NPEPPS: variants seen among roughly 807,000 people sequenced by gnomAD.
The protein encoded by NPEPPS is aminopeptidase puromycin sensitive, also known as puromycin-sensitive aminopeptidase.
In NPEPPS, 14 loss-of-function variants were observed where a neutral mutation model predicts 115.5. The ratio of observed to expected loss-of-function variants is 0.12; its 90% CI spans 0.08 to 0.19. The LOEUF (loss-of-function observed/expected upper bound fraction) is 0.19. Among genes scored for constraint, NPEPPS ranks in the 10% least tolerant of loss-of-function variants. The pLI is 1.00. For missense variants in NPEPPS, 523 were observed against 1,110.8 expected, an observed-to-expected ratio of 0.47 and a Z score of 7.52; for synonymous variants, 285 against 390.6, an observed-to-expected ratio of 0.73 and a Z score of 3.19.
intron 2 of NPEPPS, among the ~76,000 whole-genome samples, chr17:47,562,609 T>A (rs113880564): frequency 4.5e-4 from 21 of 46,806 alleles, no homozygotes; most frequent in African/African-American, 8.4e-4. Context: ...TGATGCAGAG[T>A]GTGTGTGTGT....
chr17:47,592,772 T>C, intron 12 of NPEPPS: 1 of 429,814 alleles, frequency 2.3e-6, no homozygotes, highest in Non-Finnish European at 4.3e-6. Flanking sequence ...TTTTTTTAAT[T>C]AAAGTTCTAG....
rs534722224 is a variant in NPEPPS, at chr17:47,584,613, T to C, written c.649-887T>C. Among the ~76,000 whole-genome samples the C allele has an allele frequency of 3.2e-3, 486 of 152,340 alleles. 1 individual carries two copies. Among genetic ancestry groups the C allele is most frequent in the Non-Finnish European group, 4.4e-3 (302 of 68,034 alleles). On this transcript the variant is annotated intron_variant, in intron 5 of 22. Coordinates refer to ENST00000322157, the MANE Select transcript of NPEPPS (RefSeq NM_006310.4). ...ACTTTAGTATGAGTGAATTTATCAG[T>C]GTGTTCTTGAATAAGTCTTCCTTGG...
chr17:47,597,612 C>T (rs1912959272), intron 13 of NPEPPS, among the ~76,000 whole-genome samples: 1 of 152,104 alleles, frequency 6.6e-6, no homozygotes, highest in South Asian at 2.1e-4. Context: ...GTGATCCTTC[C>T]ACCCCTGCCT....
upstream of NPEPPS, among the ~76,000 whole-genome samples, chr17:47,528,022 C>A (rs1907509865): frequency 6.6e-6 from 1 of 151,682 alleles, no homozygotes; most frequent in South Asian, 2.1e-4. Flanking sequence ...ATTATATGGG[C>A]TGGGCACAGT....
At chr17:47,583,840 C>G (rs1230799717) in intron 5 of NPEPPS, among the ~76,000 whole-genome samples, 1 of 151,128 alleles carries the variant, frequency 6.6e-6, no homozygotes, top group Non-Finnish European at 1.5e-5. Context: ...GAGGATCTCT[C>G]GAACTTAGGA....
At chr17:47,595,455 A>C (rs547034923) in intron 12 of NPEPPS, among the ~76,000 whole-genome samples, 2 of 152,288 alleles carry the variant, frequency 1.3e-5, no homozygotes, top group African/African-American at 4.8e-5. Flanking sequence ...ACACATTTCA[A>C]TTTCTTTGTT....
rs753383358 is a variant in NPEPPS at position 47,613,257 on chromosome 17, C to CTTTT, written c.2239-391_2239-388dup. On this transcript the variant is annotated intron_variant, in intron 18 of 22. Coordinates refer to ENST00000322157, the MANE Select transcript of NPEPPS (RefSeq NM_006310.4). ...GTAATATTCACATTTATAATATTTACTTTTTTTTTTTTTTTTTTTTTTTTC... is the reference window on the plus strand; with the variant it reads ...GTAATATTCACATTTATAATATTTACTTTTTTTTTTTTTTTTTTTTTTTTTTTTC... 9.5e-4 allele frequency among the ~76,000 whole-genome samples: 93 copies of CTTTT among 98,226 alleles called. 2 individuals are homozygous for CTTTT. The highest frequency in any genetic ancestry group is 2.5e-3 in the African/African-American group (59 of 23,654). 64.4% of individuals were successfully genotyped at this position (98,226 alleles called of 152,430 possible).
At chr17:47,553,557 A>T (rs1031274579) in intron 2 of NPEPPS, among the ~76,000 whole-genome samples, 1 of 152,156 alleles carries the variant, frequency 6.6e-6, no homozygotes. Flanking sequence ...GATGTGTTCT[A>T]AGACCCCCAA....
chr17:47,574,613 G>T (rs1911393603), intron 3 of NPEPPS, among the ~76,000 whole-genome samples: 1 of 151,952 alleles, frequency 6.6e-6, no homozygotes, highest in East Asian at 1.9e-4. Flanking sequence ...TTTGTTTTGT[G>T]ACAAAGTCTC....
chr17:47,528,087 A>G (rs1417995458), upstream of NPEPPS, among the ~76,000 whole-genome samples: 1 of 151,800 alleles, frequency 6.6e-6, no homozygotes, highest in Non-Finnish European at 1.5e-5. Context: ...AGATCACCTG[A>G]GGTAAGGAGT....
intron 15 of NPEPPS, 54 bp downstream of exon 15, chr17:47,601,801 C>T (rs1019364915): frequency 1.4e-5 from 21 of 1,540,706 alleles, no homozygotes; most frequent in African/African-American, 7.0e-5. Flanking sequence ...ATTTTATGGC[C>T]GGTTTTAAAT....
At position 47,531,553 on chromosome 17, in the gene NPEPPS, C is replaced by G; in HGVS notation, c.253C>G (p.Gln85Glu). 1 of 1,601,846 alleles carries G rather than the reference C, an allele frequency of 6.2e-7. No individual in the cohort carries two copies. The highest frequency in any genetic ancestry group is 8.5e-7 in the Non-Finnish European group (1 of 1,175,846). Residue 85 changes from glutamine (Q) to glutamate (E), a missense_variant and splice_region_variant, in exon 1 of 23, where the codon CAG becomes GAG. Gln to Glu is a conservative substitution (Grantham distance 29). Transcript: ENST00000322157. ...CGAGGGCAAGCTGGAGGCCGCCGCC[C>G]AGGTACAGCGACCCTCGGGCCCCGG... Reference protein sequence around the residue: ...TFEGKLEAAAQVRQATNQIVM... With the variant: ...TFEGKLEAAAEVRQATNQIVM...
intron 2 of NPEPPS, among the ~76,000 whole-genome samples, chr17:47,552,171 C>G (rs1157369893): frequency 6.6e-6 from 1 of 151,378 alleles, no homozygotes; most frequent in Non-Finnish European, 1.5e-5. Flanking sequence ...TTGCAATGTT[C>G]CCCAGGCTGG....
intron 1 of NPEPPS, among the ~76,000 whole-genome samples, chr17:47,539,100 CTT>C (rs551077364): frequency 3.0e-5 from 4 of 135,454 alleles, no homozygotes; most frequent in South Asian, 4.7e-4. Context: ...TCATCTAGGC[CTT>C]TTTTTTTTTT....
chr17:47,601,633 C>T lies in NPEPPS; in HGVS notation c.1626C>T (p.Val542=). The T allele has an allele frequency of 6.2e-7, 1 of 1,612,814 alleles. No individual in the cohort carries two copies. The highest frequency in any genetic ancestry group is 8.5e-7 in the Non-Finnish European group (1 of 1,179,534). The change falls in exon 15 of 23, where the codon GTC becomes GTT. Residue 542 remains valine, a synonymous_variant. Coordinates refer to ENST00000322157, the MANE Select transcript of NPEPPS (RefSeq NM_006310.4). The part of the protein sequence containing the change: ...YVGEDCPQWM[V]PITISTSEDP... ...GTGAAGATTGTCCCCAGTGGATGGT[C>T]CCTATCACAATCTCTACTAGTGAAG...
chr17:47,567,417 G>C (rs969448885), intron 2 of NPEPPS, among the ~76,000 whole-genome samples: 9 of 152,172 alleles, frequency 5.9e-5, no homozygotes, highest in Non-Finnish European at 1.3e-4. Context: ...CATCTTGCCT[G>C]TAAAATGTTA....
At position 47,591,951 on chromosome 17, in the gene NPEPPS, G is replaced by C; in HGVS notation, c.1261-5G>C. The C allele has an allele frequency of 1.0e-6, 1 of 988,754 alleles. No homozygotes were observed. Among genetic ancestry groups the C allele is most frequent in the Non-Finnish European group, 1.6e-6 (1 of 638,052 alleles). 61.2% of individuals were successfully genotyped at this position (988,754 alleles called of 1,614,324 possible). On this transcript the variant is annotated splice_region_variant and splice_polypyrimidine_tract_variant and intron_variant, in intron 10 of 22. Transcript: ENST00000322157. ...GTCATAACCCTGAATCACACTGTCT[G>C]CCAGGTCAGTGTGGGCCATCCATCT...
At chr17:47,538,444 C>G (rs761333675) in intron 1 of NPEPPS, among the ~76,000 whole-genome samples, 30 of 150,886 alleles carry the variant, frequency 2.0e-4, no homozygotes, top group Non-Finnish European at 4.0e-4. Flanking sequence ...AAACACCCGA[C>G]CTCAGGTGAT....
intron 1 of NPEPPS, among the ~76,000 whole-genome samples, chr17:47,532,377 T>TG (rs1907869910): frequency 6.6e-6 from 1 of 152,046 alleles, no homozygotes; most frequent in African/African-American, 2.4e-5. Context: ...AGAAGCTGGC[T>TG]GGGCGCGGTG....
Sources: allele counts gnomAD v4.1 joint callset (sites outside exome capture counted in the v4.1 genomes callset), GRCh38; gene constraint gnomAD v4.1.1; transcripts MANE v1.5; gene names NCBI Gene and HGNC (gene_info 2026-07-23, HGNC 2026-07-21).